Variants in PDGFC observed in about 807,000 individuals in gnomAD.
PDGFC encodes the protein platelet derived growth factor C, also known as platelet-derived growth factor C.
In PDGFC, 12 loss-of-function variants were observed where a neutral mutation model predicts 35.5. The observed-to-expected ratio is 0.34, with a 90% confidence interval of 0.22 to 0.55. The LOEUF (loss-of-function observed/expected upper bound fraction) is 0.55. Among genes scored for constraint, PDGFC ranks in the 20% least tolerant of loss-of-function variants. The pLI, the probability that PDGFC is intolerant of heterozygous loss-of-function variation, is 0.91. For missense variants in PDGFC, 322 were observed against 412.4 expected (o/e 0.78, Z 1.90); for synonymous variants, 159 against 148.8 (o/e 1.07, Z -0.50).
chr4:156,863,066 C>T (rs1729755798), intron 1 of PDGFC, among the ~76,000 whole-genome samples: 1 of 152,046 alleles, frequency 6.6e-6, no homozygotes, highest in Non-Finnish European at 1.5e-5. Flanking sequence ...TTTTTACCAG[C>T]TAAAACAACA....
intron 3 of PDGFC, among the ~76,000 whole-genome samples, chr4:156,790,843 T>A (rs982967030): frequency 2.6e-5 from 4 of 152,168 alleles, no homozygotes; most frequent in African/African-American, 9.7e-5. Context: ...GGCAAGCCAA[T>A]AAATTAAGTT....
chr4:156,814,307 T>C (rs527942196), intron 2 of PDGFC, among the ~76,000 whole-genome samples: 8 of 152,100 alleles, frequency 5.3e-5, no homozygotes, highest in Non-Finnish European at 8.8e-5. Flanking sequence ...TGTGGGTCAA[T>C]AGAAAAGATC....
intron 3 of PDGFC, among the ~76,000 whole-genome samples, chr4:156,789,130 C>A (rs911746324): frequency 2.6e-5 from 4 of 152,182 alleles, no homozygotes; most frequent in African/African-American, 9.7e-5. Flanking sequence ...CTGCTACAAT[C>A]TGAAAACATT....
intron 1 of PDGFC, among the ~76,000 whole-genome samples, chr4:156,963,507 A>C (rs901137532): frequency 3.3e-5 from 5 of 151,894 alleles, no homozygotes; most frequent in African/African-American, 1.2e-4. Context: ...AAAGGGAAAA[A>C]GCTAAGTACA....
intron 2 of PDGFC, among the ~76,000 whole-genome samples, chr4:156,846,207 C>T (rs1411019169): frequency 1.3e-5 from 2 of 151,718 alleles, no homozygotes; most frequent in Non-Finnish European, 1.5e-5. Flanking sequence ...CCATAAATCA[C>T]ATTAATTACA....
chr4:156,940,439 T>A (rs1731778853), intron 1 of PDGFC, among the ~76,000 whole-genome samples: 1 of 152,116 alleles, frequency 6.6e-6, no homozygotes, highest in South Asian at 2.1e-4. Context: ...ATCAGAAAAG[T>A]AAAACAATGC....
intron 1 of PDGFC, among the ~76,000 whole-genome samples, chr4:156,882,642 T>C (rs998446148): frequency 2.0e-5 from 3 of 152,204 alleles, no homozygotes; most frequent in Non-Finnish European, 4.4e-5. Context: ...TTCTTAAAAA[T>C]GCTTACATTG....
intron 1 of PDGFC, among the ~76,000 whole-genome samples, chr4:156,893,884 G>A (rs568064635): frequency 4.3e-4 from 66 of 152,162 alleles, no homozygotes; most frequent in African/African-American, 1.4e-3. Flanking sequence ...TCCACAAAAA[G>A]CATGCCAAAG....
intron 1 of PDGFC, among the ~76,000 whole-genome samples, chr4:156,950,642 A>G (rs1004826082): frequency 1.7e-4 from 26 of 151,874 alleles, no homozygotes; most frequent in Non-Finnish European, 3.5e-4. Flanking sequence ...TAACTTCTAA[A>G]CCTAAGAGGT....
At chr4:156,823,891 T>A (rs1381359635) in intron 2 of PDGFC, among the ~76,000 whole-genome samples, 1 of 152,142 alleles carries the variant, frequency 6.6e-6, no homozygotes, top group Non-Finnish European at 1.5e-5. Context: ...ATTGGAATAC[T>A]ATACAGCCTT....
intron 1 of PDGFC, among the ~76,000 whole-genome samples, chr4:156,867,658 A>G (rs917543734): frequency 2.6e-5 from 4 of 152,160 alleles, no homozygotes; most frequent in African/African-American, 7.2e-5. Context: ...AAAATAATCA[A>G]CACAACCTCA....
At chr4:156,865,321 C>T (rs538665340) in intron 1 of PDGFC, among the ~76,000 whole-genome samples, 8 of 151,936 alleles carry the variant, frequency 5.3e-5, no homozygotes, top group Non-Finnish European at 7.4e-5. Flanking sequence ...TCAGGAAAAA[C>T]GCATATCCAA....
intron 1 of PDGFC, among the ~76,000 whole-genome samples, chr4:156,927,259 GC>G (rs769815422): frequency 2.0e-5 from 3 of 152,100 alleles, no homozygotes; most frequent in Non-Finnish European, 2.9e-5. Context: ...GGGAGGGGCT[GC>G]CATGAAGACC....
chr4:156,915,326 A>G (rs1731133262), intron 1 of PDGFC, among the ~76,000 whole-genome samples: 1 of 152,136 alleles, frequency 6.6e-6, no homozygotes, highest in Admixed American at 6.5e-5. Context: ...TAAGGTGGTC[A>G]TCAGTTTCTA....
chr4:156,767,530 CA>C, intron 5 of PDGFC, among the ~76,000 whole-genome samples: 1 of 151,772 alleles, frequency 6.6e-6, no homozygotes. Context: ...GTATGAGAGG[CA>C]AAAACTTCAC....
chr4:156,884,433 A>G (rs987117853), intron 1 of PDGFC, among the ~76,000 whole-genome samples: 3 of 152,202 alleles, frequency 2.0e-5, no homozygotes, highest in Non-Finnish European at 4.4e-5. Context: ...CTAGCATGGA[A>G]GACAGCTACA....
intron 5 of PDGFC, among the ~76,000 whole-genome samples, chr4:156,765,288 T>C (rs1394106919): frequency 6.6e-6 from 1 of 152,074 alleles, no homozygotes; most frequent in Non-Finnish European, 1.5e-5. Context: ...AGGACATAGA[T>C]TATGCCACCA....
At chr4:156,771,873 A>AATATCTGTT (rs1452972942) in intron 4 of PDGFC, among the ~76,000 whole-genome samples, 1 of 152,172 alleles carries the variant, frequency 6.6e-6, no homozygotes, top group Non-Finnish European at 1.5e-5. Context: ...GTGCATTGTA[A>AATATCTGTT]TTAAACAGTT....
At chr4:156,865,763 C>G (rs781325006) in intron 1 of PDGFC, among the ~76,000 whole-genome samples, 2 of 152,218 alleles carry the variant, frequency 1.3e-5, no homozygotes, top group East Asian at 3.8e-4. Flanking sequence ...TCTCTGGCAA[C>G]AGTAAACAGT....
Sources: allele counts gnomAD v4.1 joint callset (sites outside exome capture counted in the v4.1 genomes callset), GRCh38; gene constraint gnomAD v4.1.1; transcripts MANE v1.5; gene names NCBI Gene and HGNC (gene_info 2026-07-23, HGNC 2026-07-21).